The following SNX29 variants were observed in gnomAD, a reference collection of about 807,000 sequenced individuals.
The protein encoded by SNX29 is sorting nexin-29.
Under a neutral mutation model 102.1 loss-of-function variants are expected in SNX29, and 78 were observed. That is an observed-to-expected ratio of 0.76 (90% CI 0.64 to 0.92). The LOEUF is 0.92. SNX29 is among the 40% of genes least tolerant of loss of function. SNX29 has a pLI of 0.00. For synonymous variants in SNX29, 580 were observed against 414.5 expected, an observed-to-expected ratio of 1.40 and a Z score of -4.85; for missense variants, 1,280 against 1,061.7, an observed-to-expected ratio of 1.21 and a Z score of -2.86.
rs111477137 is a variant in SNX29 at position 12,537,258 on chromosome 16, C to T, written c.2318+12417C>T. ...AGGCACACCCAAAATAATGTACCTT[C>T]TTTTCACCTCAGGAAACTGGTTAGT... On this transcript the variant is annotated intron_variant, in intron 20 of 20. Transcript: ENST00000566228. Among the ~76,000 whole-genome samples the T allele has an allele frequency of 1.1e-3, 161 of 152,314 alleles. 3 individuals carry two copies. Among genetic ancestry groups the T allele is most frequent in the African/African-American group, 3.7e-3 (152 of 41,574 alleles).
chr16:12,234,551 C>A (rs113494780), intron 14 of SNX29, among the ~76,000 whole-genome samples: 6,140 of 151,982 alleles, frequency 0.04, 438 homozygotes, highest in African/African-American at 0.14. Context: ...TGAGGCATAC[C>A]TGTTTTTAAT....
chr16:12,091,045 A>G (rs2052513812), intron 11 of SNX29, among the ~76,000 whole-genome samples: 1 of 150,824 alleles, frequency 6.6e-6, no homozygotes, highest in Non-Finnish European at 1.5e-5. Context: ...AAAAGAAAGA[A>G]AAAGAAAAAA....
At chr16:12,241,754 G>A (rs1362248872) in intron 14 of SNX29, among the ~76,000 whole-genome samples, 1 of 152,126 alleles carries the variant, frequency 6.6e-6, no homozygotes, top group Admixed American at 6.5e-5. Context: ...GAGCCACCAG[G>A]CCCAGCCTCC....
chr16:12,164,595 G>C (rs915561409), intron 13 of SNX29, among the ~76,000 whole-genome samples: 17 of 152,028 alleles, frequency 1.1e-4, no homozygotes, highest in Admixed American at 9.2e-4. Flanking sequence ...AAGCTGTATG[G>C]GCAGCCTGAG....
At chr16:12,000,848 C>T (rs1006306415) in intron 2 of SNX29, among the ~76,000 whole-genome samples, 6 of 152,142 alleles carry the variant, frequency 3.9e-5, no homozygotes, top group African/African-American at 7.2e-5. Flanking sequence ...AGGGACAACT[C>T]GTGCACCCTC....
chr16:12,357,472 A>G (rs956182233), intron 16 of SNX29, among the ~76,000 whole-genome samples: 5 of 152,226 alleles, frequency 3.3e-5, no homozygotes, highest in Non-Finnish European at 7.3e-5. Context: ...TGTGAGACCC[A>G]TGCATTGTAA....
intron 13 of SNX29, among the ~76,000 whole-genome samples, chr16:12,185,681 C>T (rs888375551): frequency 1.3e-4 from 20 of 152,168 alleles, no homozygotes; most frequent in Non-Finnish European, 1.9e-4. Flanking sequence ...CTCAAGAGGC[C>T]GAGATTTGTT....
chr16:12,380,410 C>CCTA, intron 16 of SNX29, among the ~76,000 whole-genome samples: 1 of 92,788 alleles, frequency 1.1e-5, no homozygotes, highest in South Asian at 5.6e-4. Flanking sequence ...CATCCACCCA[C>CCTA]CCACCCACCC....
At chr16:12,065,623 G>C (rs1213688935) in intron 9 of SNX29, among the ~76,000 whole-genome samples, 2 of 152,228 alleles carry the variant, frequency 1.3e-5, no homozygotes, top group African/African-American at 4.8e-5. Flanking sequence ...ATAATCTGAT[G>C]TGATTGGTTT....
At chr16:12,221,691 G>A (rs922219395) in intron 14 of SNX29, among the ~76,000 whole-genome samples, 1 of 152,208 alleles carries the variant, frequency 6.6e-6, no homozygotes, top group Non-Finnish European at 1.5e-5. Context: ...TTTAACTTTG[G>A]TGGCTTTGTG....
chr16:12,077,978 G>T (rs918713014), intron 10 of SNX29, among the ~76,000 whole-genome samples: 6 of 152,120 alleles, frequency 3.9e-5, no homozygotes, highest in Non-Finnish European at 8.8e-5. Context: ...GTCTGTTCCT[G>T]TTTAAAGACA....
rs186895868 is a variant in SNX29 at position 12,111,221 on chromosome 16, G to A, written c.1403-15412G>A. 3.0e-3 allele frequency among the ~76,000 whole-genome samples: 454 copies of A among 152,250 alleles called. 2 individuals carry two copies. The highest frequency in any genetic ancestry group is 0.011 in the African/African-American group (440 of 41,534). On this transcript the variant is annotated intron_variant, in intron 11 of 20. Coordinates refer to ENST00000566228, the MANE Select transcript of SNX29 (RefSeq NM_032167.5). ...AGGATGGTGGTTTATCTTGACAGGT[G>A]CATGCACACACCTGTACCCTTCCAC...
chr16:12,477,607 GA>G, intron 18 of SNX29, 111 bp from the exon 19 acceptor site: 1 of 1,283,894 alleles, frequency 7.8e-7, no homozygotes, highest in Non-Finnish European at 1.1e-6. Context: ...AGTGGTGTGT[GA>G]CACAGATGTG....
intron 1 of SNX29, among the ~76,000 whole-genome samples, chr16:11,997,128 A>G (rs941195407): frequency 1.3e-5 from 2 of 152,148 alleles, no homozygotes; most frequent in Non-Finnish European, 2.9e-5. Context: ...ACACGATCCT[A>G]TGTGACTGAC....
At chr16:12,251,778 G>A (rs1170860274) in intron 14 of SNX29, among the ~76,000 whole-genome samples, 1 of 151,080 alleles carries the variant, frequency 6.6e-6, no homozygotes, top group Non-Finnish European at 1.5e-5. Flanking sequence ...TTTTTCTTTA[G>A]AGACAGTGTC....
intron 16 of SNX29, among the ~76,000 whole-genome samples, chr16:12,382,184 G>A (rs978689942): frequency 6.6e-6 from 1 of 152,082 alleles, no homozygotes; most frequent in Admixed American, 6.5e-5. Context: ...GAGGACCTGC[G>A]ATAGACGACA....
intron 11 of SNX29, among the ~76,000 whole-genome samples, chr16:12,082,336 G>T (rs1052037743): frequency 6.6e-6 from 1 of 152,064 alleles, no homozygotes; most frequent in Non-Finnish European, 1.5e-5. Flanking sequence ...GAGTTCCTGC[G>T]GCCGGGGCTG....
chr16:12,423,356 G>A (rs990295309), intron 18 of SNX29, among the ~76,000 whole-genome samples: 2 of 152,114 alleles, frequency 1.3e-5, no homozygotes, highest in African/African-American at 4.8e-5. Context: ...GTCAACCTCA[G>A]GATGAACATC....
At chr16:12,447,537 T>G (rs1012141834) in intron 18 of SNX29, among the ~76,000 whole-genome samples, 3 of 152,318 alleles carry the variant, frequency 2.0e-5, no homozygotes, top group African/African-American at 7.2e-5. Flanking sequence ...AGCCGAGATT[T>G]CATAAATGGG....
Sources: gnomAD v4.1 joint callset for allele counts (sites outside exome capture counted in the v4.1 genomes callset) on GRCh38, gnomAD v4.1.1 for gene constraint, MANE v1.5 for transcripts, NCBI Gene and HGNC (gene_info 2026-07-23, HGNC 2026-07-21) for gene names.